OSBPL1A: variants seen among roughly 807,000 people sequenced by gnomAD.
OSBPL1A encodes the protein oxysterol binding protein like 1A, also known as oxysterol-binding protein-related protein 1.
OSBPL1A carries 80 observed loss-of-function variants against 137.1 expected under a neutral mutation model. The ratio of observed to expected loss-of-function variants is 0.58; its 90% confidence interval spans 0.49 to 0.70. The LOEUF is 0.70. OSBPL1A is among the 30% of genes least tolerant of loss of function. OSBPL1A has a pLI of 0.00. For synonymous variants in OSBPL1A, 365 were observed against 389.7 expected (o/e 0.94, Z 0.75); for missense variants, 970 against 1,129.4 (o/e 0.86, Z 2.02).
intron 15 of OSBPL1A, among the ~76,000 whole-genome samples, chr18:24,253,882 A>T (rs1382238660): frequency 6.6e-6 from 1 of 152,070 alleles, no homozygotes; most frequent in African/African-American, 2.4e-5. Context: ...AGGCTGCATG[A>T]CCCCTAAACT....
chr18:24,308,513 C>T (rs145836522), intron 13 of OSBPL1A, among the ~76,000 whole-genome samples: 5 of 152,218 alleles, frequency 3.3e-5, no homozygotes, highest in African/African-American at 9.6e-5. Flanking sequence ...AGACACCATG[C>T]CTGGCCTGCT....
intron 4 of OSBPL1A, among the ~76,000 whole-genome samples, chr18:24,361,448 T>C (rs559806228): frequency 2.6e-5 from 4 of 152,356 alleles, no homozygotes; most frequent in African/African-American, 7.2e-5. Flanking sequence ...TCCAAAAATC[T>C]ATCATTGACA....
chr18:24,251,856 A>T (rs986490976), intron 15 of OSBPL1A, among the ~76,000 whole-genome samples: 6 of 152,214 alleles, frequency 3.9e-5, no homozygotes. Flanking sequence ...AGTCTATCAG[A>T]TAAATTTAAC....
chr18:24,188,224 T>A (rs181953603), intron 18 of OSBPL1A, among the ~76,000 whole-genome samples: 1 of 152,214 alleles, frequency 6.6e-6, no homozygotes, highest in African/African-American at 2.4e-5. Context: ...GGCCTAGGGA[T>A]GCAATCTTGC....
chr18:24,225,131 T>G lies in OSBPL1A; in HGVS notation c.1512A>C (p.Gly504=), dbSNP rs529176871. The G allele has an allele frequency of 1.2e-6, 2 of 1,614,180 alleles. No homozygotes were observed. Among genetic ancestry groups the G allele is most frequent in the East Asian group, 2.2e-5 (1 of 44,884 alleles). Residue 504 remains glycine, a synonymous_variant, in exon 17 of 28, where the codon GGA becomes GGC. Coordinates refer to ENST00000319481, the MANE Select transcript of OSBPL1A (RefSeq NM_080597.4). ...TGTGTTTTCTACTGCCCAAATGCTCTCCTTCCTCTTCAAAGGAGCGTGCTG... is the reference window on the plus strand; with the variant it reads ...TGTGTTTTCTACTGCCCAAATGCTCGCCTTCCTCTTCAAAGGAGCGTGCTG... ...AVTARSFEEE[G]EHLGSRKHRM...
rs532786238 is a variant in OSBPL1A at position 24,180,290 on chromosome 18, T to C, written c.1813-455A>G. 8.5e-5 allele frequency among the ~76,000 whole-genome samples: 13 copies of C among 152,336 alleles called. No homozygotes were observed. In the South Asian group the frequency reaches 2.7e-3, roughly 32 times the overall value. On this transcript the variant is annotated intron_variant, in intron 19 of 27. Coordinates refer to ENST00000319481, the MANE Select transcript of OSBPL1A (RefSeq NM_080597.4). ...TCAGTTTAGAATGCTATTGCTTTGT[T>C]GAAGGAGAACAATGTGTCCACTATA... is the stretch of plus-strand genomic sequence containing the variant.
chr18:24,253,168 G>GA lies in OSBPL1A; in HGVS notation c.1282-13787_1282-13786insT, dbSNP rs945040937. On this transcript the variant is annotated intron_variant, in intron 15 of 27. Coordinates refer to ENST00000319481, the MANE Select transcript of OSBPL1A (RefSeq NM_080597.4). ...AAACTCTCCAATGAAAAGACATGGCGGGGGGGGGCGCTGAATGGATGAAAA... is the reference window on the plus strand; with the variant it reads ...AAACTCTCCAATGAAAAGACATGGCGAGGGGGGGGCGCTGAATGGATGAAAA... Among the ~76,000 whole-genome samples the GA allele has an allele frequency of 1.5e-4, 18 of 120,248 alleles. 2 individuals carry two copies. Among genetic ancestry groups the GA allele is most frequent in the African/African-American group, 5.5e-4 (17 of 30,730 alleles). The allele number at this position is 120,248 out of a possible 152,430, so 78.9% of individuals were successfully genotyped here. A position where few individuals can be genotyped will look rare whatever the true frequency, so the allele number is the denominator to read the frequency against.
At chr18:24,191,276 A>C (rs1426003248) in intron 18 of OSBPL1A, among the ~76,000 whole-genome samples, 6 of 152,256 alleles carry the variant, frequency 3.9e-5, no homozygotes, top group Admixed American at 1.3e-4. Context: ...CACACACACA[A>C]AAATTCTGTA....
Position 24,396,207 on chromosome 18 carries a change from G to A in OSBPL1A, c.-3+1448C>T, listed in dbSNP as rs915478239. Among the ~76,000 whole-genome samples the A allele has an allele frequency of 6.3e-5, 9 of 141,804 alleles. No homozygotes were observed. The East Asian group carries it at 1.7e-3, about 28-fold the overall frequency. The allele number at this position is 141,804 out of a possible 152,430, so 93.0% of individuals were successfully genotyped here. On this transcript the variant is annotated intron_variant, in intron 1 of 27. Coordinates refer to ENST00000319481, the MANE Select transcript of OSBPL1A (RefSeq NM_080597.4). ...TGCACTCCAGCCTAGGCAACAGAGCGAGACTCTGTCTCAATTTAAAAAAAA... is the reference window on the plus strand; with the variant it reads ...TGCACTCCAGCCTAGGCAACAGAGCAAGACTCTGTCTCAATTTAAAAAAAA...
At chr18:24,202,970 A>G (rs1262442567) in intron 17 of OSBPL1A, among the ~76,000 whole-genome samples, 1 of 152,202 alleles carries the variant, frequency 6.6e-6, no homozygotes, top group Non-Finnish European at 1.5e-5. Flanking sequence ...TTATTTTTCA[A>G]ATTAAAAAAT....
Position 24,239,317 on chromosome 18 carries a change from C to T in OSBPL1A, c.1347G>A (p.Thr449=), listed in dbSNP as rs2088606027. 13 of 1,614,056 alleles carry T rather than the reference C, an allele frequency of 8.1e-6. No individual in the cohort carries two copies. Among genetic ancestry groups the T allele is most frequent in the African/African-American group, 2.7e-5 (2 of 75,032 alleles). ...CTAATTCATGATGTTCAGTGGCCAGCGTCTCCAGTGCTTCTGACAAGATTT... is the reference window on the plus strand; with the variant it reads ...CTAATTCATGATGTTCAGTGGCCAGTGTCTCCAGTGCTTCTGACAAGATTT... ...KNKILSEALE[T]LATEHHELEQ... Residue 449 remains threonine, a synonymous_variant, in exon 16 of 28, where the codon ACG becomes ACA. Transcript: ENST00000319481.
At chr18:24,211,311 A>G (rs1455658569) in intron 17 of OSBPL1A, among the ~76,000 whole-genome samples, 5 of 152,200 alleles carry the variant, frequency 3.3e-5, no homozygotes, top group Admixed American at 2.0e-4. Flanking sequence ...TTCCAAAACA[A>G]AAACAGTTAG....
intron 7 of OSBPL1A, among the ~76,000 whole-genome samples, chr18:24,320,208 G>T (rs540580763): frequency 6.6e-6 from 1 of 152,018 alleles, no homozygotes; most frequent in Non-Finnish European, 1.5e-5. Context: ...GTTATGTACC[G>T]ATTACTATTT....
At chr18:24,315,924 TATAATA>T (rs1238981780) in intron 11 of OSBPL1A, among the ~76,000 whole-genome samples, 1 of 136,728 alleles carries the variant, frequency 7.3e-6, no homozygotes, top group East Asian at 2.0e-4. Context: ...ATTATAATTA[TATAATA>T]ATAATATTAA....
At chr18:24,354,641 G>A (rs1218100809) in intron 4 of OSBPL1A, among the ~76,000 whole-genome samples, 5 of 149,556 alleles carry the variant, frequency 3.3e-5, no homozygotes, top group African/African-American at 1.2e-4. Flanking sequence ...GCAGAAATCA[G>A]CCAAACTCTA....
rs1316546997 is a variant in OSBPL1A, at chr18:24,165,098, T to G, written c.2717A>C (p.Asn906Thr). 6.2e-7 allele frequency: 1 copy of G among 1,614,146 alleles called. No individual in the cohort carries two copies. Among genetic ancestry groups the G allele is most frequent in the Non-Finnish European group, 8.5e-7 (1 of 1,180,010 alleles). ...LEEKQRAARK[N>T]RSKSEEDWKT... ...CCAGTCCTCTTCTGACTTGGACCTG[T>G]TTTTGCGGGCTGCTCTTTGTTTTTC... The change falls in exon 27 of 28, where the codon AAC (asparagine) becomes ACC (threonine). Residue 906 changes from asparagine (N) to threonine (T), a missense_variant. Asn to Thr is a moderately conservative substitution (Grantham distance 65, BLOSUM62 0). This residue lies in a region of OSBPL1A where 323 missense variants were observed against 456.8 expected (regional missense o/e 0.71). Coordinates refer to ENST00000319481, the MANE Select transcript of OSBPL1A (RefSeq NM_080597.4).
intron 15 of OSBPL1A, chr18:24,272,098 C>T (rs770300986): frequency 1.0e-6 from 1 of 983,012 alleles, no homozygotes; most frequent in East Asian, 1.1e-4. Context: ...TAGGGACCGC[C>T]GGGGAAGCCT....
At chr18:24,334,396 A>G (rs1419506601) in intron 5 of OSBPL1A, 66 bp from the exon 6 acceptor site, 1 of 1,320,792 alleles carries the variant, frequency 7.6e-7, no homozygotes, top group East Asian at 2.5e-5. Flanking sequence ...ATTATAAAGA[A>G]TAAAGTGATC....
chr18:24,207,097 ACAAT>A (rs1167849088), intron 17 of OSBPL1A, among the ~76,000 whole-genome samples: 1 of 152,202 alleles, frequency 6.6e-6, no homozygotes, highest in Non-Finnish European at 1.5e-5. Context: ...GAAGAACACA[ACAAT>A]CATTTTCCGT....
Sources: gnomAD v4.1 joint callset for allele counts (sites outside exome capture counted in the v4.1 genomes callset) on GRCh38, gnomAD v4.1.1 for gene constraint, gnomAD v4.1.1 regional missense constraint, MANE v1.5 for transcripts, NCBI Gene and HGNC (gene_info 2026-07-23, HGNC 2026-07-21) for gene names.